LINGO2: variants seen among roughly 807,000 people sequenced by gnomAD.
The protein encoded by LINGO2 is leucine-rich repeat and immunoglobulin-like domain-containing nogo receptor-interacting protein 2.
A neutral mutation model predicts 30.6 loss-of-function variants in LINGO2; 14 were observed. The observed-to-expected ratio is 0.46, with a 90% CI of 0.30 to 0.72. LINGO2 has a LOEUF of 0.72. LINGO2 is among the 30% of genes least tolerant of loss of function. LINGO2 has a pLI of 0.07. For missense variants in LINGO2, 729 were observed against 751.7 expected (o/e 0.97, Z 0.35); for synonymous variants, 317 against 288.5 (o/e 1.10, Z -1.00).
At chr9:28,801,681 T>G in the LINGO2 span, among the ~76,000 whole-genome samples, 3 of 152,084 alleles carry the variant, frequency 2.0e-5, no homozygotes, top group African/African-American at 7.2e-5. Context: ...GAAGCTATGT[T>G]AATCTTTTCT....
chr9:29,061,656 C>A, the LINGO2 span, among the ~76,000 whole-genome samples: 2 of 151,974 alleles, frequency 1.3e-5, no homozygotes, highest in African/African-American at 4.8e-5. Flanking sequence ...TGGACCCTTA[C>A]CTTACACCAT....
Position 28,596,203 on chromosome 9 carries a change from C to A in LINGO2, c.-365+73997G>T, listed in dbSNP as rs149981607. Among the ~76,000 whole-genome samples the A allele has an allele frequency of 2.0e-3, 298 of 152,098 alleles. 3 individuals are homozygous for A. The highest frequency in any genetic ancestry group is 6.9e-3 in the African/African-American group (286 of 41,496). Reference sequence around the variant, plus strand: ...CTTTTTTCATACCTAATATATGATACAGAGGTGCATATTAAAATACTGAGG... The same window carrying A: ...CTTTTTTCATACCTAATATATGATAAAGAGGTGCATATTAAAATACTGAGG... On this transcript the variant is annotated intron_variant, in intron 1 of 5. Coordinates refer to ENST00000379992, the Ensembl canonical transcript of LINGO2.
intron 2 of LINGO2, among the ~76,000 whole-genome samples, chr9:28,421,319 T>G (rs930218500): frequency 6.6e-6 from 1 of 151,898 alleles, no homozygotes; most frequent in Non-Finnish European, 1.5e-5. Context: ...CTATTTTAAT[T>G]AATCAGAAGG....
chr9:28,888,655 G>A, the LINGO2 span, among the ~76,000 whole-genome samples: 11 of 152,232 alleles, frequency 7.2e-5, no homozygotes, highest in African/African-American at 2.6e-4. Flanking sequence ...AGGACTATTA[G>A]AGATGCTTCC....
the LINGO2 span, among the ~76,000 whole-genome samples, chr9:28,676,971 T>C: frequency 6.6e-6 from 1 of 152,280 alleles, no homozygotes; most frequent in East Asian, 1.9e-4. Flanking sequence ...AACAAACACA[T>C]ACAGAAAACT....
chr9:28,984,395 A>C, the LINGO2 span, among the ~76,000 whole-genome samples: 1 of 152,060 alleles, frequency 6.6e-6, no homozygotes, highest in Non-Finnish European at 1.5e-5. Context: ...GTTCACACTT[A>C]AAAAAATCTA....
chr9:28,297,104 G>A (rs1823950638), intron 3 of LINGO2, among the ~76,000 whole-genome samples: 1 of 152,158 alleles, frequency 6.6e-6, no homozygotes, highest in East Asian at 1.9e-4. Flanking sequence ...TCCAAACTGG[G>A]TTTGAAGTGA....
chr9:28,918,851 C>T, the LINGO2 span, among the ~76,000 whole-genome samples: 1 of 152,044 alleles, frequency 6.6e-6, no homozygotes, highest in African/African-American at 2.4e-5. Context: ...ACAACAAAAT[C>T]AAAATTTAAA....
intron 4 of LINGO2, among the ~76,000 whole-genome samples, chr9:28,090,020 T>C (rs1587832603): frequency 6.6e-6 from 1 of 152,126 alleles, no homozygotes; most frequent in South Asian, 2.1e-4. Flanking sequence ...CAGGAAGAAG[T>C]TGAATCTCTG....
chr9:28,235,292 A>G (rs141195274), intron 4 of LINGO2, among the ~76,000 whole-genome samples: 17 of 152,326 alleles, frequency 1.1e-4, no homozygotes, highest in African/African-American at 4.1e-4. Context: ...TACCTTTGAG[A>G]GTCTGTAAAA....
the LINGO2 span, among the ~76,000 whole-genome samples, chr9:28,970,852 C>T: frequency 6.6e-6 from 1 of 152,110 alleles, no homozygotes; most frequent in Non-Finnish European, 1.5e-5. Flanking sequence ...GAACTGGGCC[C>T]AGAGACAGTG....
chr9:28,241,282 A>G (rs868144500), intron 4 of LINGO2, among the ~76,000 whole-genome samples: 19 of 57,542 alleles, frequency 3.3e-4, no homozygotes, highest in African/African-American at 1.4e-3. Context: ...AAAAAAAAAA[A>G]AAAAAAAAAA....
At chr9:27,943,736 G>C (rs1823259189), downstream of LINGO2, 1 of 152,070 alleles carries the variant, frequency 6.6e-6, no homozygotes, top group African/African-American at 2.4e-5. Flanking sequence ...GCTGAGAAGT[G>C]ACAGTGGTAA....
intron 1 of LINGO2, among the ~76,000 whole-genome samples, chr9:28,629,884 C>T (rs534343405): frequency 1.3e-5 from 2 of 152,044 alleles, no homozygotes; most frequent in Non-Finnish European, 2.9e-5. Context: ...AAAGTTTCAT[C>T]TAGCATTAGG....
At chr9:28,012,614 C>CCTA (rs1422398599) in intron 4 of LINGO2, among the ~76,000 whole-genome samples, 1 of 151,926 alleles carries the variant, frequency 6.6e-6, no homozygotes, top group African/African-American at 2.4e-5. Context: ...CTTTTCTCAC[C>CCTA]CTACTTCTGA....
chr9:28,428,151 A>G lies in LINGO2; in HGVS notation c.-279+47789T>C, dbSNP rs142667082. Among the ~76,000 whole-genome samples the G allele has an allele frequency of 9.7e-4, 147 of 152,264 alleles. 1 individual carries two copies. In the East Asian group the frequency reaches 0.012, roughly 12 times the overall value. On this transcript the variant is annotated intron_variant, in intron 2 of 5. Coordinates refer to ENST00000379992, the Ensembl canonical transcript of LINGO2. ...GGGTTGAAGCCAGTTATAGCCATGT[A>G]TCACTCCTTAATTTAAAATGATGCC...
the LINGO2 span, among the ~76,000 whole-genome samples, chr9:28,675,875 A>G: frequency 2.0e-5 from 3 of 146,660 alleles, no homozygotes; most frequent in South Asian, 6.5e-4. Flanking sequence ...CATTTCAAAA[A>G]AAAAGAAAAA....
chr9:28,899,603 C>A, the LINGO2 span, among the ~76,000 whole-genome samples: 1 of 152,190 alleles, frequency 6.6e-6, no homozygotes, highest in Admixed American at 6.5e-5. Flanking sequence ...CCATGCCATG[C>A]CCTGAAGATA....
the LINGO2 span, among the ~76,000 whole-genome samples, chr9:28,922,456 T>C: frequency 3.3e-5 from 5 of 152,086 alleles, no homozygotes; most frequent in Non-Finnish European, 5.9e-5. Context: ...GAAGCAAAAA[T>C]ATGTTCTTGC....
Sources: allele counts gnomAD v4.1 joint callset (sites outside exome capture counted in the v4.1 genomes callset), GRCh38; gene constraint gnomAD v4.1.1; transcripts MANE v1.5; gene names NCBI Gene and HGNC (gene_info 2026-07-23, HGNC 2026-07-21).